NRXN3: variants seen among roughly 807,000 people sequenced by gnomAD.
The protein encoded by NRXN3 is neurexin 3.
NRXN3 carries 32 observed loss-of-function variants against 137.6 expected under a neutral mutation model. The ratio of observed to expected loss-of-function variants is 0.23; its 90% confidence interval spans 0.18 to 0.31. The LOEUF (loss-of-function observed/expected upper bound fraction) is 0.31, where lower values mean the gene tolerates loss of function less well. Ranked by LOEUF, NRXN3 falls within the 10% of genes least tolerant of loss-of-function variation. NRXN3 has a pLI of 1.00. For missense variants in NRXN3, 1,574 were observed against 2,062.5 expected (o/e 0.76, Z 4.59); for synonymous variants, 798 against 784.5 (o/e 1.02, Z -0.29).
chr14:78,273,690 G>A (rs1459019070), intron 2 of NRXN3, among the ~76,000 whole-genome samples: 2 of 152,216 alleles, frequency 1.3e-5, no homozygotes, highest in Non-Finnish European at 2.9e-5. Context: ...ATACATATGT[G>A]TGTATCAACT....
chr14:79,692,364 TA>T, intron 18 of NRXN3, 102 bp downstream of exon 18: 1 of 829,180 alleles, frequency 1.2e-6, no homozygotes, highest in East Asian at 2.7e-5. Flanking sequence ...GCCTGCTGCA[TA>T]AATGACTGTT....
At chr14:78,391,406 A>G (rs2090756913) in intron 4 of NRXN3, among the ~76,000 whole-genome samples, 1 of 152,134 alleles carries the variant, frequency 6.6e-6, no homozygotes, top group Non-Finnish European at 1.5e-5. Context: ...CTCATGGGCT[A>G]CTAAAGCGAG....
At chr14:79,285,848 G>C (rs74067989) in intron 15 of NRXN3, among the ~76,000 whole-genome samples, 1 of 151,292 alleles carries the variant, frequency 6.6e-6, no homozygotes, top group African/African-American at 2.4e-5. Context: ...TCTCCTCACC[G>C]TGCGCTGCCC....
At chr14:78,952,040 G>T (rs2099388098) in intron 10 of NRXN3, among the ~76,000 whole-genome samples, 1 of 152,088 alleles carries the variant, frequency 6.6e-6, no homozygotes, top group South Asian at 2.1e-4. Flanking sequence ...CTGAATAGCT[G>T]GGTCACTTGT....
intron 20 of NRXN3, among the ~76,000 whole-genome samples, chr14:79,846,037 C>A (rs2099369639): frequency 1.3e-5 from 2 of 151,702 alleles, no homozygotes; most frequent in South Asian, 4.2e-4. Context: ...TCATGGCACC[C>A]CAAAATAGTT....
intron 16 of NRXN3, among the ~76,000 whole-genome samples, chr14:79,484,246 G>T (rs544790835): frequency 2.8e-4 from 43 of 152,254 alleles, no homozygotes; most frequent in African/African-American, 7.5e-4. Context: ...CTCTCTTTTG[G>T]ATGTTTGGTG....
At chr14:79,356,525 C>T (rs1247190746) in intron 15 of NRXN3, among the ~76,000 whole-genome samples, 1 of 152,086 alleles carries the variant, frequency 6.6e-6, no homozygotes, top group Non-Finnish European at 1.5e-5. Context: ...CACAGTCTCA[C>T]CACATTTAAA....
chr14:79,037,949 T>G (rs1319609209), intron 15 of NRXN3, among the ~76,000 whole-genome samples: 1 of 152,080 alleles, frequency 6.6e-6, no homozygotes, highest in Non-Finnish European at 1.5e-5. Flanking sequence ...TAGTGAAATA[T>G]CAGGTTAGGC....
At chr14:79,715,689 C>T (rs957483569) in intron 19 of NRXN3, among the ~76,000 whole-genome samples, 9 of 152,172 alleles carry the variant, frequency 5.9e-5, no homozygotes, top group African/African-American at 1.4e-4. Context: ...ACCAATTTTA[C>T]ACATAATTAT....
chr14:79,470,368 T>C (rs1276001603), intron 16 of NRXN3, among the ~76,000 whole-genome samples: 1 of 152,030 alleles, frequency 6.6e-6, no homozygotes, highest in African/African-American at 2.4e-5. Context: ...AGGTCTGGTG[T>C]CTTGTGAGGG....
chr14:78,453,826 A>G (rs2094609967), intron 4 of NRXN3, among the ~76,000 whole-genome samples: 1 of 152,220 alleles, frequency 6.6e-6, no homozygotes, highest in African/African-American at 2.4e-5. Flanking sequence ...CAAGTGATAC[A>G]TCTACAAGCC....
chr14:79,106,083 G>A (rs945575049), intron 15 of NRXN3, among the ~76,000 whole-genome samples: 25 of 152,050 alleles, frequency 1.6e-4, no homozygotes, highest in African/African-American at 5.1e-4. Flanking sequence ...AGTTTTAAAC[G>A]TTTTGAATTA....
intron 10 of NRXN3, among the ~76,000 whole-genome samples, chr14:78,843,440 T>C (rs956002911): frequency 6.6e-6 from 1 of 152,080 alleles, no homozygotes; most frequent in Admixed American, 6.6e-5. Flanking sequence ...TTTGTTGATT[T>C]GTTCTTTTAT....
chr14:79,685,997 T>C (rs561849881), intron 17 of NRXN3, among the ~76,000 whole-genome samples: 1 of 152,082 alleles, frequency 6.6e-6, no homozygotes, highest in African/African-American at 2.4e-5. Context: ...GCCTATAAGA[T>C]ATTTGGACAT....
chr14:78,417,108 A>C (rs556439007), intron 4 of NRXN3, among the ~76,000 whole-genome samples: 2 of 152,196 alleles, frequency 1.3e-5, no homozygotes, highest in African/African-American at 4.8e-5. Flanking sequence ...AAGGTCAACT[A>C]TGCTGGCCCC....
chr14:78,687,903 T>A (rs1365130820), intron 6 of NRXN3, among the ~76,000 whole-genome samples: 2 of 152,186 alleles, frequency 1.3e-5, no homozygotes, highest in Non-Finnish European at 1.5e-5. Flanking sequence ...TAGAGCCTAC[T>A]CAGACAGCAA....
intron 4 of NRXN3, among the ~76,000 whole-genome samples, chr14:78,380,426 G>A (rs564628797): frequency 2.0e-5 from 3 of 152,206 alleles, no homozygotes; most frequent in South Asian, 4.1e-4. Flanking sequence ...TTGACATGAG[G>A]AGATCATCCT....
intron 19 of NRXN3, among the ~76,000 whole-genome samples, chr14:79,776,035 G>A (rs536322978): frequency 1.3e-5 from 2 of 152,192 alleles, no homozygotes; most frequent in Middle Eastern, 3.4e-3. Context: ...GAGTGTGAGT[G>A]GAGAAATAAG....
intron 4 of NRXN3, among the ~76,000 whole-genome samples, chr14:78,536,645 A>C (rs909199239): frequency 1.3e-5 from 2 of 151,904 alleles, no homozygotes; most frequent in Non-Finnish European, 2.9e-5. Context: ...TCTAGGGTAC[A>C]TGTGCACAAC....
Sources: gnomAD v4.1 joint callset for allele counts (sites outside exome capture counted in the v4.1 genomes callset) on GRCh38, gnomAD v4.1.1 for gene constraint, MANE v1.5 for transcripts, NCBI Gene and HGNC (gene_info 2026-07-23, HGNC 2026-07-21) for gene names.